Variants in RBFA observed in about 807,000 individuals in gnomAD.
RBFA encodes ribosome binding factor A.
RBFA carries 16 observed loss-of-function variants against 27.9 expected under a neutral mutation model. The ratio of observed to expected loss-of-function variants is 0.57; its 90% confidence interval spans 0.39 to 0.87. RBFA has a LOEUF of 0.87. RBFA is among the 40% of genes least tolerant of loss of function. RBFA has a pLI of 0.00. For synonymous variants in RBFA, 181 were observed against 181.0 expected (o/e 1.00, Z 0.00); for missense variants, 456 against 432.1 (o/e 1.06, Z -0.49).
In RBFA at chr18:80,048,439, G is replaced by C. The variant is rs915255327; in HGVS notation, c.*2284G>C. The stretch of plus-strand genomic sequence containing the variant: ...CTTTGCATGCATCTGATGTGCCCAG[G>C]CTGTGTTTTATTGTTCTAGCAATTT... On this transcript the variant is annotated 3_prime_UTR_variant, in exon 7 of 7. Coordinates refer to ENST00000306735, the MANE Select transcript of RBFA (RefSeq NM_024805.3). Among the ~76,000 whole-genome samples the C allele has an allele frequency of 1.3e-5, 2 of 152,302 alleles. No individual in the cohort carries two copies. The highest frequency in any genetic ancestry group is 4.1e-4 in the South Asian group (2 of 4,830).
In RBFA at chr18:80,044,218, C is replaced by T. The variant is rs1176233569; in HGVS notation, c.583C>T (p.Gln195Ter). 6.2e-7 allele frequency: 1 copy of T among 1,613,890 alleles called. No homozygotes were observed. Among genetic ancestry groups the T allele is most frequent in the African/African-American group, 1.3e-5 (1 of 74,932 alleles). The change falls in exon 6 of 7, where the codon CAG (glutamine) becomes TAG (stop). Residue 195 changes from glutamine (Q) to a stop codon, truncating the protein, a stop_gained. Transcript: ENST00000306735. LOFTEE classifies it high-confidence loss of function. ...CCTCTGTGTTCCTCTGTAGCTTGAT[C>T]AGTTACTGGCAGTCGCAGACTTTGG... ...KGNAALAELD[Q>*]LLAVADFGPR...
chr18:80,035,899 G>T (rs2051975599), intron 1 of RBFA: 1 of 152,200 alleles, frequency 6.6e-6, no homozygotes, highest in South Asian at 2.1e-4. Context: ...TCATTGTGGG[G>T]TTTTGCTGGG....
At position 80,048,661 on chromosome 18, in the gene RBFA, T is replaced by C. The variant is rs1015095655; in HGVS notation, c.*2506T>C. ...CTCCACGCCTGTGCCGGATGTGGTG[T>C]TGGCATCCATAGCAGTCTCGCAAAG... On this transcript the variant is annotated 3_prime_UTR_variant, in exon 7 of 7. Coordinates refer to ENST00000306735, the MANE Select transcript of RBFA (RefSeq NM_024805.3). Among the ~76,000 whole-genome samples, 1 of 152,222 alleles carries C rather than the reference T, an allele frequency of 6.6e-6. No individual in the cohort carries two copies. Among genetic ancestry groups the C allele is most frequent in the South Asian group, 2.1e-4 (1 of 4,828 alleles).
chr18:80,045,802 A>C lies in RBFA; in HGVS notation c.679A>C (p.Thr227Pro). 4 of 1,518,784 alleles carry C rather than the reference A, an allele frequency of 2.6e-6. No homozygotes were observed. Among genetic ancestry groups the C allele is most frequent in the Non-Finnish European group, 3.5e-6 (4 of 1,134,236 alleles). 94.1% of individuals were successfully genotyped at this position (1,518,784 alleles called of 1,614,324 possible). A position where few individuals can be genotyped will look rare whatever the true frequency, so the allele number is the denominator to read the frequency against. ...CCCTGATGCCCCACAACCCTGCGGC[A>C]CCACAGAGCCGACCACAAGCTCCAG... The part of the protein sequence containing the change: ...RDPDAPQPCG[T>P]TEPTTSSSLC... The change falls in exon 7 of 7, where the codon ACC (threonine) becomes CCC (proline). Residue 227 changes from threonine (T) to proline (P), a missense_variant. Coordinates refer to ENST00000306735, the MANE Select transcript of RBFA (RefSeq NM_024805.3).
intron 4 of RBFA, among the ~76,000 whole-genome samples, chr18:80,040,998 T>C (rs1445268118): frequency 6.6e-6 from 1 of 152,188 alleles, no homozygotes; most frequent in Non-Finnish European, 1.5e-5. Flanking sequence ...AGAACTGGAA[T>C]TCCTCCTTTC....
Position 80,049,608 on chromosome 18 carries a change from T to C in RBFA, c.*3453T>C, listed in dbSNP as rs1036337345. ...TCTCCTGTGTCACTGTCCCTTACCT[T>C]GTTAGTAAAGGTCAATGGTTCTCAA... is the stretch of plus-strand genomic sequence containing the variant. On this transcript the variant is annotated 3_prime_UTR_variant, in exon 7 of 7. Transcript: ENST00000306735. 3.9e-5 allele frequency among the ~76,000 whole-genome samples: 6 copies of C among 152,182 alleles called. No individual in the cohort carries two copies. Among genetic ancestry groups the C allele is most frequent in the African/African-American group, 1.2e-4 (5 of 41,448 alleles).
chr18:80,045,655 T>G (rs1427417435), intron 6 of RBFA, 119 bp from the exon 7 acceptor site: 2 of 1,202,646 alleles, frequency 1.7e-6, no homozygotes, highest in Admixed American at 3.0e-5. Flanking sequence ...GATAGACGTT[T>G]GGGAGGGTTC....
At chr18:80,037,280 GT>G (rs766091108) in intron 2 of RBFA, 49 bp from the exon 3 acceptor site, 9 of 1,555,300 alleles carry the variant, frequency 5.8e-6, no homozygotes, top group Non-Finnish European at 7.9e-6. Flanking sequence ...GACTTGGTGA[GT>G]TTGGAGTTGT....
intron 5 of RBFA, 109 bp downstream of exon 5, chr18:80,042,328 G>A: frequency 3.5e-6 from 2 of 567,164 alleles, no homozygotes. Flanking sequence ...GGCCTCAAGG[G>A]ATCCTTCTGT....
intron 4 of RBFA, among the ~76,000 whole-genome samples, chr18:80,038,988 A>G (rs981739821): frequency 6.6e-6 from 1 of 152,234 alleles, no homozygotes; most frequent in African/African-American, 2.4e-5. Context: ...CCACATGCCT[A>G]GAGTAAAAGA....
chr18:80,042,861 C>G (rs190587294), intron 5 of RBFA, among the ~76,000 whole-genome samples: 1 of 151,982 alleles, frequency 6.6e-6, no homozygotes, highest in East Asian at 1.9e-4. Flanking sequence ...TTCTCCTGTG[C>G]CCCTGTTCCC....
rs2052063582 is a variant in RBFA, at chr18:80,047,416, A to C, written c.*1261A>C. On this transcript the variant is annotated 3_prime_UTR_variant, in exon 7 of 7. Transcript: ENST00000306735. Reference sequence around the variant, plus strand: ...CCACTACCCAGAAAGCTGCATGTGCACTGTGTGGGGTAAGGACAGTAGGAG... The same window carrying C: ...CCACTACCCAGAAAGCTGCATGTGCCCTGTGTGGGGTAAGGACAGTAGGAG... The C allele has an allele frequency of 6.6e-6, 1 of 152,438 alleles. No individual in the cohort carries two copies. The highest frequency in any genetic ancestry group is 2.1e-4 in the South Asian group (1 of 4,830). 9.4% of individuals were successfully genotyped at this position (152,438 alleles called of 1,614,324 possible).
At position 80,042,181 on chromosome 18, in the gene RBFA, G is replaced by T. The variant is rs779585969; in HGVS notation, c.538G>T (p.Val180Leu). ...GACCCTGAGGAATGTGCCACCGATA[G>T]TGTTTGTTCAAGACAAGGGAAATGC... ...QQTLRNVPPI[V>L]FVQDKGNAAL... is the part of the protein sequence containing the mutation. Residue 180 changes from valine to leucine, a missense_variant, in exon 5 of 7, where the codon GTG (valine) becomes TTG (leucine). Coordinates refer to ENST00000306735, the MANE Select transcript of RBFA (RefSeq NM_024805.3). 1 of 1,611,180 alleles carries T rather than the reference G, an allele frequency of 6.2e-7. No individual in the cohort carries two copies. The highest frequency in any genetic ancestry group is 1.7e-5 in the Admixed American group (1 of 59,902).
At position 80,034,494 on chromosome 18, in the gene RBFA, C is replaced by A. The variant is rs1291575729; in HGVS notation, c.-2C>A. 6.5e-7 allele frequency: 1 copy of A among 1,545,704 alleles called. No individual in the cohort carries two copies. The highest frequency in any genetic ancestry group is 1.2e-5 in the South Asian group (1 of 83,374). On this transcript the variant is annotated 5_prime_UTR_variant, in exon 1 of 7. Coordinates refer to ENST00000306735, the MANE Select transcript of RBFA (RefSeq NM_024805.3). ...GCTCGCTCCGGGTCCCGGCGCCGCG[C>A]CATGTGGGCTGCGGCGGGCGGGCTG... is the stretch of plus-strand genomic sequence containing the variant.
chr18:80,045,138 G>T (rs1044810393), intron 6 of RBFA, among the ~76,000 whole-genome samples: 5 of 152,180 alleles, frequency 3.3e-5, no homozygotes, highest in Non-Finnish European at 7.3e-5. Flanking sequence ...GAAGGCGAAT[G>T]AGTGGCAGGT....
In RBFA at chr18:80,036,664, A is replaced by G. The variant is rs770339188; in HGVS notation, c.159-4A>G. ...CTAACATAATGCTTATTTTCTCCCC[A>G]AAGAAAAAAGGTTTGGTATGAAAGT... On this transcript the variant is annotated splice_polypyrimidine_tract_variant and splice_region_variant and intron_variant, in intron 1 of 6. Coordinates refer to ENST00000306735, the MANE Select transcript of RBFA (RefSeq NM_024805.3). 2 of 1,610,842 alleles carry G rather than the reference A, an allele frequency of 1.2e-6. No homozygotes were observed. The highest frequency in any genetic ancestry group is 8.5e-7 in the Non-Finnish European group (1 of 1,177,740).
chr18:80,034,743 G>A, intron 1 of RBFA, 90 bp downstream of exon 1: 13 of 1,537,032 alleles, frequency 8.5e-6, no homozygotes, highest in Non-Finnish European at 1.1e-5. Context: ...GCGTTCTTGC[G>A]CCCATGCGGC....
Position 80,037,322 on chromosome 18 carries a change from T to C in RBFA, c.202-8T>C. On this transcript the variant is annotated splice_region_variant and splice_polypyrimidine_tract_variant and intron_variant, in intron 2 of 6. Coordinates refer to ENST00000306735, the MANE Select transcript of RBFA (RefSeq NM_024805.3). ...TGCCCTTGGGGTGTGCTCTTCTTCC[T>C]GATGGAGACTTACAAACCATCCAAG... The C allele has an allele frequency of 6.2e-7, 1 of 1,612,744 alleles. No individual in the cohort carries two copies. Among genetic ancestry groups the C allele is most frequent in the South Asian group, 1.1e-5 (1 of 91,004 alleles).
rs1162300969 is a variant in RBFA, at chr18:80,041,883, C to T, written c.492-252C>T. 10 of 188,954 alleles carry T rather than the reference C, an allele frequency of 5.3e-5. No homozygotes were observed. In the South Asian group the frequency reaches 7.9e-4, roughly 15 times the overall value. The allele number at this position is 188,954 out of a possible 1,614,324, so 11.7% of individuals were successfully genotyped here. ...CTGGGACTACAGGTGCCTGCCGCCA[C>T]GCCTGGCTAATTTTTTGTATTTTTA... On this transcript the variant is annotated intron_variant, in intron 4 of 6. Transcript: ENST00000306735.
Sources: gnomAD v4.1 joint callset for allele counts (sites outside exome capture counted in the v4.1 genomes callset) on GRCh38, gnomAD v4.1.1 for gene constraint, MANE v1.5 for transcripts, NCBI Gene and HGNC (gene_info 2026-07-23, HGNC 2026-07-21) for gene names.